NAV2: variants seen among roughly 807,000 people sequenced by gnomAD.
The protein encoded by NAV2 is neuron navigator 2.
NAV2 carries 54 observed loss-of-function variants against 223.2 expected under a neutral mutation model. That is an observed-to-expected ratio of 0.24 (90% CI 0.19 to 0.30). NAV2 has a LOEUF of 0.30. NAV2 is among the 10% of genes least tolerant of loss of function. The probability of loss-of-function intolerance (pLI) is 1.00; values close to 1 mark genes in which losing one functional copy is unlikely to be tolerated. For synonymous variants in NAV2, 1,279 were observed against 1,239.3 expected (o/e 1.03, Z -0.67); for missense variants, 2,806 against 3,147.5 (o/e 0.89, Z 2.60).
At chr11:20,031,725 A>G (rs1591748382) in intron 11 of NAV2, among the ~76,000 whole-genome samples, 1 of 137,174 alleles carries the variant, frequency 7.3e-6, no homozygotes, top group Non-Finnish European at 1.5e-5. Flanking sequence ...ATTTTTCTTC[A>G]TTTTCGCTTT....
intron 35 of NAV2, among the ~76,000 whole-genome samples, chr11:20,106,638 T>G (rs1253167768): frequency 6.6e-6 from 1 of 151,764 alleles, no homozygotes; most frequent in Non-Finnish European, 1.5e-5. Flanking sequence ...TGTTTTTGTT[T>G]TTGTTTTTGT....
At chr11:19,577,734 C>A (rs1309778514) in intron 1 of NAV2, among the ~76,000 whole-genome samples, 2 of 152,092 alleles carry the variant, frequency 1.3e-5, no homozygotes, top group South Asian at 4.2e-4. Flanking sequence ...GTTGGGTGGG[C>A]ATCTGGGGTG....
intron 1 of NAV2, among the ~76,000 whole-genome samples, chr11:19,740,797 A>C (rs546024539): frequency 8.5e-5 from 13 of 152,228 alleles, no homozygotes; most frequent in Admixed American, 8.5e-4. Context: ...CAAAAAGCCT[A>C]TAAGGTAGAC....
rs1208004080 is a variant in NAV2, at chr11:20,121,527, T to G, written c.*3269T>G. ...CTGCTGGACATCATGCCCCATGTCA[T>G]AGAGAATAAAGCTGATGATTGTACC... On this transcript the variant is annotated 3_prime_UTR_variant, in exon 38 of 38. Coordinates refer to ENST00000349880, the MANE Select transcript of NAV2 (RefSeq NM_145117.5). 4 of 152,610 alleles carry G rather than the reference T, an allele frequency of 2.6e-5. No homozygotes were observed. The highest frequency in any genetic ancestry group is 5.9e-5 in the Non-Finnish European group (4 of 68,038). 9.5% of individuals were successfully genotyped at this position (152,610 alleles called of 1,614,324 possible). A position where few individuals can be genotyped will look rare whatever the true frequency, so the allele number is the denominator to read the frequency against.
intron 10 of NAV2, among the ~76,000 whole-genome samples, chr11:19,976,029 T>C (rs896482580): frequency 6.6e-6 from 1 of 152,210 alleles, no homozygotes; most frequent in African/African-American, 2.4e-5. Flanking sequence ...TATTGAAATA[T>C]TGCATATACT....
chr11:19,933,221 A>G lies in NAV2; in HGVS notation c.977A>G (p.Asn326Ser), dbSNP rs1489185557. 6.3e-6 allele frequency: 10 copies of G among 1,575,904 alleles called. No individual in the cohort carries two copies. Among genetic ancestry groups the G allele is most frequent in the Non-Finnish European group, 7.8e-6 (9 of 1,160,532 alleles). The change falls in exon 7 of 38, where the codon AAT becomes AGT. Residue 326 changes from asparagine (N) to serine (S), a missense_variant. Asn to Ser is a conservative substitution (Grantham distance 46). This residue lies in a region of NAV2 where 1,167 missense variants were observed against 1,180.5 expected (regional missense o/e 0.99). Coordinates refer to ENST00000349880, the MANE Select transcript of NAV2 (RefSeq NM_145117.5). This position sits in a 1 kb window ranked among gnomAD's most constrained non-coding sequence, Gnocchi z 4.3. ...TCCTCCCACCCCGGAATGAGTGACAATGCACCTGCTTCCTTGGAGAGCGGC... is the reference window on the plus strand; with the variant it reads ...TCCTCCCACCCCGGAATGAGTGACAGTGCACCTGCTTCCTTGGAGAGCGGC... ...SASSHPGMSDNAPASLESGSS... is the reference protein window; with the variant it reads ...SASSHPGMSDSAPASLESGSS...
chr11:19,599,875 G>C (rs2046308074), intron 1 of NAV2, among the ~76,000 whole-genome samples: 1 of 152,162 alleles, frequency 6.6e-6, no homozygotes, highest in African/African-American at 2.4e-5. Context: ...GGCAGTATCT[G>C]CCCAGAAAAA....
chr11:19,513,424 G>A (rs1247446657), intron 1 of NAV2, among the ~76,000 whole-genome samples: 1 of 152,136 alleles, frequency 6.6e-6, no homozygotes, highest in Non-Finnish European at 1.5e-5. Flanking sequence ...ACCCTGATGT[G>A]GCTGCCACAC....
In NAV2 at chr11:19,832,619, C is replaced by T; in HGVS notation, c.385+18C>T. The T allele has an allele frequency of 6.2e-7, 1 of 1,603,276 alleles. No individual in the cohort carries two copies. Among genetic ancestry groups the T allele is most frequent in the Non-Finnish European group, 8.5e-7 (1 of 1,170,230 alleles). Reference sequence around the variant, plus strand: ...GGTTGTGGGTAAGAGCAGATTTTACCTTGGGGGTAATGAGTTACAGTGGAG... The same window carrying T: ...GGTTGTGGGTAAGAGCAGATTTTACTTTGGGGGTAATGAGTTACAGTGGAG... On this transcript the variant is annotated intron_variant, in intron 2 of 37. Transcript: ENST00000349880.
chr11:20,077,778 T>C (rs1353080340), intron 23 of NAV2, 143 bp downstream of exon 23: 1 of 744,596 alleles, frequency 1.3e-6, no homozygotes, highest in African/African-American at 1.7e-5. Context: ...GTCCAATCTG[T>C]TGAGTGAAAA....
At chr11:20,065,050 A>G (rs1034028996) in intron 20 of NAV2, among the ~76,000 whole-genome samples, 3 of 152,178 alleles carry the variant, frequency 2.0e-5, no homozygotes, top group African/African-American at 4.8e-5. Flanking sequence ...AAAATAGCCT[A>G]TCAGTGGAAT....
At chr11:19,513,115 C>G (rs1358460853) in intron 1 of NAV2, among the ~76,000 whole-genome samples, 1 of 152,054 alleles carries the variant, frequency 6.6e-6, no homozygotes, top group Non-Finnish European at 1.5e-5. Flanking sequence ...GTGTGATGAC[C>G]GGGCATTTTT....
At chr11:19,880,395 A>G (rs1402869360) in intron 5 of NAV2, among the ~76,000 whole-genome samples, 1 of 152,182 alleles carries the variant, frequency 6.6e-6, no homozygotes, top group South Asian at 2.1e-4. Flanking sequence ...CCTATTACAC[A>G]CATGCTCGTA....
intron 1 of NAV2, among the ~76,000 whole-genome samples, chr11:19,435,695 T>C (rs1044255819): frequency 3.3e-5 from 5 of 152,202 alleles, no homozygotes; most frequent in African/African-American, 9.6e-5. Flanking sequence ...CCACCAACAG[T>C]GTACAAGCGT....
At chr11:19,738,996 C>T (rs2052569356) in intron 1 of NAV2, among the ~76,000 whole-genome samples, 1 of 150,514 alleles carries the variant, frequency 6.6e-6, no homozygotes, top group South Asian at 2.1e-4. Context: ...GCCTGGGCAA[C>T]ATGGTGAAAC....
chr11:19,793,224 A>G (rs572860421), intron 1 of NAV2, among the ~76,000 whole-genome samples: 19 of 137,644 alleles, frequency 1.4e-4, no homozygotes, highest in African/African-American at 4.9e-4. Context: ...AAAAAAAAAA[A>G]AAAAAGAAAG....
intron 1 of NAV2, among the ~76,000 whole-genome samples, chr11:19,783,739 G>A (rs1015394785): frequency 6.6e-6 from 1 of 152,152 alleles, no homozygotes; most frequent in African/African-American, 2.4e-5. Context: ...GTAAAATGAT[G>A]ATGATGATAA....
At chr11:19,996,506 A>T (rs1000470633) in intron 11 of NAV2, among the ~76,000 whole-genome samples, 1 of 152,234 alleles carries the variant, frequency 6.6e-6, no homozygotes, top group Non-Finnish European at 1.5e-5. Flanking sequence ...GATCTTAGGG[A>T]TGCTTGAAGC....
intron 1 of NAV2, among the ~76,000 whole-genome samples, chr11:19,686,046 C>A (rs1190046945): frequency 6.6e-6 from 1 of 152,120 alleles, no homozygotes; most frequent in East Asian, 1.9e-4. Flanking sequence ...CACACTGCTC[C>A]CCCAGCTCCC....
Sources: gnomAD v4.1 joint callset for allele counts (sites outside exome capture counted in the v4.1 genomes callset) on GRCh38, gnomAD v4.1.1 for gene constraint, gnomAD v4.1.1 regional missense constraint, Gnocchi (gnomAD v3.1) non-coding constraint, MANE v1.5 for transcripts, NCBI Gene and HGNC (gene_info 2026-07-23, HGNC 2026-07-21) for gene names.